Variants in MR1 observed in about 807,000 individuals in gnomAD.
MR1 encodes major histocompatibility complex class I-related protein 1.
MR1 carries 44 observed loss-of-function variants against 37.8 expected under a neutral mutation model. The ratio of observed to expected loss-of-function variants is 1.16; its 90% CI spans 0.91 to 1.50. The LOEUF is 1.50. MR1 is among the 40% of genes most tolerant of loss of function. The pLI is 0.00. For synonymous variants in MR1, 153 were observed against 155.8 expected, an observed-to-expected ratio of 0.98 and a Z score of 0.13; for missense variants, 386 against 419.1, an observed-to-expected ratio of 0.92 and a Z score of 0.69.
chr1:181,044,689 C>T (rs925955702), intron 1 of MR1, among the ~76,000 whole-genome samples: 20 of 152,220 alleles, frequency 1.3e-4, no homozygotes, highest in Admixed American at 6.5e-4. Flanking sequence ...ACAACAAACT[C>T]GCACTTTGGC....
intron 5 of MR1, among the ~76,000 whole-genome samples, chr1:181,054,712 T>A (rs1364086875): frequency 1.5e-5 from 2 of 135,726 alleles, no homozygotes; most frequent in Non-Finnish European, 3.1e-5. Context: ...AAAAAAAAAA[T>A]TAGCTGGGCG....
rs1398906447 is a variant in MR1, at chr1:181,052,259, G to T, written c.629G>T (p.Arg210Leu). 5.0e-6 allele frequency: 8 copies of T among 1,613,988 alleles called. No individual in the cohort carries two copies. The highest frequency in any genetic ancestry group is 1.3e-5 in the African/African-American group (1 of 74,896). ...GAGCCCCCACTGGTCAGAGTAAATC[G>T]CAAAGAAACTTTTCCAGGGGTTACA... ...RTEPPLVRVN[R>L]KETFPGVTAL... Residue 210 changes from arginine (R) to leucine (L), a missense_variant, in exon 4 of 6, where the codon CGC becomes CTC. Transcript: ENST00000367580.
chr1:181,053,829 TG>T (rs1658462590), intron 5 of MR1, 152 bp downstream of exon 5: 2 of 615,626 alleles, frequency 3.2e-6, no homozygotes, highest in Admixed American at 5.8e-5. Flanking sequence ...CCTCCCACCA[TG>T]TAGGGGACAC....
chr1:181,048,994 T>C (rs1050282853), intron 1 of MR1, 58 bp from the exon 2 acceptor site: 5 of 1,573,846 alleles, frequency 3.2e-6, no homozygotes, highest in African/African-American at 1.3e-5. Flanking sequence ...ATGAATGCAG[T>C]TGAAGGATCT....
At chr1:181,051,289 A>G (rs1231436810) in intron 3 of MR1, 3 of 152,148 alleles carry the variant, frequency 2.0e-5, no homozygotes, top group Non-Finnish European at 2.9e-5. Context: ...GAAAAAACAC[A>G]TTCCTAGAAA....
At chr1:181,053,206 A>G (rs530382066) in intron 4 of MR1, among the ~76,000 whole-genome samples, 1 of 152,070 alleles carries the variant, frequency 6.6e-6, no homozygotes, top group East Asian at 1.9e-4. Flanking sequence ...ACATACTGAG[A>G]TCTCATCTCT....
chr1:181,040,948 G>A (rs925456025), intron 1 of MR1, among the ~76,000 whole-genome samples: 13 of 151,996 alleles, frequency 8.6e-5, no homozygotes, highest in African/African-American at 3.1e-4. Flanking sequence ...TGGGTGTAGT[G>A]GCAGGCGCCT....
intron 1 of MR1, among the ~76,000 whole-genome samples, chr1:181,041,143 A>C (rs1251860674): frequency 6.6e-6 from 1 of 152,208 alleles, no homozygotes; most frequent in Non-Finnish European, 1.5e-5. Flanking sequence ...TTACTTGGAC[A>C]GTATTGTCAA....
intron 1 of MR1, among the ~76,000 whole-genome samples, chr1:181,041,596 A>T (rs906529916): frequency 5.9e-5 from 9 of 152,032 alleles, no homozygotes; most frequent in African/African-American, 2.2e-4. Flanking sequence ...CTCCAGCCAC[A>T]GGCCTTTGTG....
intron 1 of MR1, among the ~76,000 whole-genome samples, chr1:181,046,216 G>A (rs1006053943): frequency 1.1e-4 from 17 of 152,370 alleles, no homozygotes; most frequent in East Asian, 1.9e-4. Context: ...GAGTGCGGGC[G>A]CACGGCGCGG....
At chr1:181,035,501 G>C (rs775981517) in intron 1 of MR1, among the ~76,000 whole-genome samples, 2 of 152,014 alleles carry the variant, frequency 1.3e-5, no homozygotes, top group Non-Finnish European at 2.9e-5. Flanking sequence ...TGGGGGTGAG[G>C]GTAAGAGGCA....
chr1:181,055,282 T>C lies in MR1; in HGVS notation c.*17T>C. 1 of 1,607,566 alleles carries C rather than the reference T, an allele frequency of 6.2e-7. No homozygotes were observed. Among genetic ancestry groups the C allele is most frequent in the Non-Finnish European group, 8.5e-7 (1 of 1,174,212 alleles). On this transcript the variant is annotated 3_prime_UTR_variant, in exon 6 of 6. Coordinates refer to ENST00000367580, the MANE Select transcript of MR1 (RefSeq NM_001385161.1). ...GATCGATGATTGCAGATCCCTCTTT[T>C]CCAGTTCTCCTTCCTCTAGGAGCCA... is the stretch of plus-strand genomic sequence containing the variant.
chr1:181,039,236 A>G (rs1558111921), intron 1 of MR1, among the ~76,000 whole-genome samples: 1 of 152,218 alleles, frequency 6.6e-6, no homozygotes. Context: ...TGCTCAATAA[A>G]CAAATACAGT....
chr1:181,058,278 C>T lies in MR1; in HGVS notation c.*3013C>T, dbSNP rs1658718041. Reference sequence around the variant, plus strand: ...TTTACTGAATATTTTGGATCAAGAACACTAGATGAGAAACCTGTTCAACTC... The same window carrying T: ...TTTACTGAATATTTTGGATCAAGAATACTAGATGAGAAACCTGTTCAACTC... On this transcript the variant is annotated 3_prime_UTR_variant, in exon 6 of 6. Coordinates refer to ENST00000367580, the MANE Select transcript of MR1 (RefSeq NM_001385161.1). 6.6e-6 allele frequency: 1 copy of T among 151,204 alleles called. No individual in the cohort carries two copies. Among genetic ancestry groups the T allele is most frequent in the African/African-American group, 2.4e-5 (1 of 41,146 alleles). The allele number at this position is 151,204 out of a possible 1,614,324, so 9.4% of individuals were successfully genotyped here.
intron 2 of MR1, chr1:181,049,570 A>C: frequency 5.5e-6 from 3 of 545,138 alleles, no homozygotes; most frequent in Non-Finnish European, 6.5e-6. Flanking sequence ...TCCCATTTCC[A>C]CTCAGGCTTC....
intron 1 of MR1, among the ~76,000 whole-genome samples, chr1:181,039,005 G>C (rs111682345): frequency 0.084 from 12,729 of 151,774 alleles, 588 homozygotes; most frequent in African/African-American, 0.11. Context: ...GAGTTTCTCC[G>C]TGTTGGCAAG....
chr1:181,034,415 A>C (rs1356247323), intron 1 of MR1, among the ~76,000 whole-genome samples: 3 of 151,882 alleles, frequency 2.0e-5, no homozygotes, highest in Non-Finnish European at 4.4e-5. Context: ...TCTCATGAGG[A>C]TGTAGTCAGA....
chr1:181,051,774 G>A (rs1658334181), intron 3 of MR1, among the ~76,000 whole-genome samples: 1 of 152,192 alleles, frequency 6.6e-6, no homozygotes, highest in Admixed American at 6.5e-5. Flanking sequence ...AGTACACAAG[G>A]CAATTCGGAG....
chr1:181,055,292 C>T lies in MR1; in HGVS notation c.*27C>T. The T allele has an allele frequency of 6.2e-7, 1 of 1,601,262 alleles. No homozygotes were observed. The highest frequency in any genetic ancestry group is 8.6e-7 in the Non-Finnish European group (1 of 1,168,538). ...TGCAGATCCCTCTTTTCCAGTTCTC[C>T]TTCCTCTAGGAGCCATGTTATCCTC... On this transcript the variant is annotated 3_prime_UTR_variant, in exon 6 of 6. Coordinates refer to ENST00000367580, the MANE Select transcript of MR1 (RefSeq NM_001385161.1).
Sources: gnomAD v4.1 joint callset for allele counts (sites outside exome capture counted in the v4.1 genomes callset) on GRCh38, gnomAD v4.1.1 for gene constraint, MANE v1.5 for transcripts, NCBI Gene and HGNC (gene_info 2026-07-23, HGNC 2026-07-21) for gene names.